Variants in AGBL4 observed in about 807,000 individuals in gnomAD.
The protein encoded by AGBL4 is cytosolic carboxypeptidase 6.
AGBL4 carries 58 observed loss-of-function variants against 66.4 expected under a neutral mutation model. That is an observed-to-expected ratio of 0.87 (90% confidence interval 0.71 to 1.09). The LOEUF (loss-of-function observed/expected upper bound fraction) is 1.09. AGBL4 is among the 50% of genes least tolerant of loss of function. AGBL4 has a pLI of 0.00. For synonymous variants in AGBL4, 234 were observed against 222.9 expected (o/e 1.05, Z -0.44); for missense variants, 579 against 631.0 (o/e 0.92, Z 0.88).
At chr1:49,193,623 G>T (rs1647165631) in intron 4 of AGBL4, among the ~76,000 whole-genome samples, 1 of 151,814 alleles carries the variant, frequency 6.6e-6, no homozygotes, top group Admixed American at 6.6e-5. Context: ...CGCCTCTGGG[G>T]TTCATGCCAT....
At chr1:48,694,502 A>G (rs1646684955) in intron 6 of AGBL4, among the ~76,000 whole-genome samples, 1 of 152,222 alleles carries the variant, frequency 6.6e-6, no homozygotes, top group African/African-American at 2.4e-5. Context: ...GAGATGCTGT[A>G]TGCAATCCTG....
intron 4 of AGBL4, among the ~76,000 whole-genome samples, chr1:49,071,702 G>A (rs891627217): frequency 6.6e-6 from 1 of 151,944 alleles, no homozygotes; most frequent in Non-Finnish European, 1.5e-5. Flanking sequence ...ATGTGGTGCT[G>A]AGAAGAATGC....
At chr1:48,899,480 T>G (rs1197211474) in intron 5 of AGBL4, among the ~76,000 whole-genome samples, 1 of 151,732 alleles carries the variant, frequency 6.6e-6, no homozygotes, top group Non-Finnish European at 1.5e-5. Context: ...AAAGAGAAAT[T>G]GAGTGGAAAT....
chr1:49,763,428 A>T (rs1459028099), intron 2 of AGBL4, among the ~76,000 whole-genome samples: 1 of 152,220 alleles, frequency 6.6e-6, no homozygotes, highest in Non-Finnish European at 1.5e-5. Context: ...GCTGAGAAGC[A>T]GCTAGTGTGT....
intron 8 of AGBL4, among the ~76,000 whole-genome samples, chr1:48,646,202 T>C (rs926669493): frequency 1.1e-4 from 17 of 152,074 alleles, no homozygotes; most frequent in Admixed American, 1.3e-4. Context: ...GATCGGGCAC[T>C]GGATTGAATG....
intron 3 of AGBL4, among the ~76,000 whole-genome samples, chr1:49,653,088 T>G (rs1646042507): frequency 6.6e-6 from 1 of 152,116 alleles, no homozygotes; most frequent in African/African-American, 2.4e-5. Flanking sequence ...AGTGACCCTC[T>G]GAGACAGAGC....
chr1:49,891,391 G>A (rs1648629527), intron 1 of AGBL4, among the ~76,000 whole-genome samples: 1 of 152,146 alleles, frequency 6.6e-6, no homozygotes, highest in South Asian at 2.1e-4. Context: ...TGCTGCTCAA[G>A]GGATGTTTAA....
intron 4 of AGBL4, among the ~76,000 whole-genome samples, chr1:49,097,600 A>G (rs1006941182): frequency 6.6e-6 from 1 of 152,218 alleles, no homozygotes; most frequent in African/African-American, 2.4e-5. Context: ...TATTTTTGTG[A>G]GACAAGAATC....
chr1:49,895,541 A>T (rs528253830), intron 1 of AGBL4, among the ~76,000 whole-genome samples: 3 of 152,190 alleles, frequency 2.0e-5, no homozygotes, highest in African/African-American at 7.2e-5. Context: ...GTACAATAAG[A>T]TATAGCTTTT....
chr1:49,603,168 C>T (rs1302595899), intron 3 of AGBL4, among the ~76,000 whole-genome samples: 1 of 152,050 alleles, frequency 6.6e-6, no homozygotes, highest in African/African-American at 2.4e-5. Flanking sequence ...AGAACAGGAA[C>T]CCAGGTGGGA....
chr1:49,524,759 A>G (rs1365708040), intron 3 of AGBL4, among the ~76,000 whole-genome samples: 1 of 152,044 alleles, frequency 6.6e-6, no homozygotes, highest in East Asian at 1.9e-4. Context: ...CTTCTTTGTA[A>G]CACCATAATA....
rs1002808754 is a variant in AGBL4, at chr1:48,885,394, A to G, written c.595-18164T>C. On this transcript the variant is annotated intron_variant, in intron 5 of 13. Transcript: ENST00000371839. ...TTTAAAATATTTACTCTATTGCCCTATAAGAAAAAGTTTGCTGATCTACTA... is the reference window on the plus strand; with the variant it reads ...TTTAAAATATTTACTCTATTGCCCTGTAAGAAAAAGTTTGCTGATCTACTA... Among the ~76,000 whole-genome samples, 8 of 152,322 alleles carry G rather than the reference A, an allele frequency of 5.3e-5. No homozygotes were observed. In the South Asian group the frequency reaches 1.2e-3, roughly 24 times the overall value.
chr1:49,265,420 G>A (rs1643895864), intron 3 of AGBL4, among the ~76,000 whole-genome samples: 1 of 152,186 alleles, frequency 6.6e-6, no homozygotes. Flanking sequence ...AGATAATATG[G>A]TATGGGGCTG....
intron 3 of AGBL4, among the ~76,000 whole-genome samples, chr1:49,425,605 A>G (rs1287285054): frequency 2.0e-5 from 3 of 152,158 alleles, no homozygotes; most frequent in Non-Finnish European, 2.9e-5. Context: ...CAGCCCATCA[A>G]GTTAAATAAG....
At chr1:48,889,934 A>G (rs942627500) in intron 5 of AGBL4, among the ~76,000 whole-genome samples, 1 of 151,924 alleles carries the variant, frequency 6.6e-6, no homozygotes, top group Non-Finnish European at 1.5e-5. Context: ...TGAGGCTAAA[A>G]TGGGAAACTC....
intron 3 of AGBL4, among the ~76,000 whole-genome samples, chr1:49,256,902 A>G (rs998215730): frequency 2.6e-5 from 4 of 152,218 alleles, no homozygotes; most frequent in Non-Finnish European, 4.4e-5. Flanking sequence ...TCCTGGATCA[A>G]TGGGTCATCC....
chr1:49,416,586 G>A (rs918814529), intron 3 of AGBL4, among the ~76,000 whole-genome samples: 1 of 152,118 alleles, frequency 6.6e-6, no homozygotes, highest in African/African-American at 2.4e-5. Flanking sequence ...TTAGGCTGTG[G>A]AGTAGCATTC....
chr1:48,541,903 A>G (rs900972600), intron 11 of AGBL4, among the ~76,000 whole-genome samples: 1 of 152,190 alleles, frequency 6.6e-6, no homozygotes, highest in Non-Finnish European at 1.5e-5. Context: ...CAGGTTTGTT[A>G]CATAGGTATA....
At chr1:48,786,519 T>TA (rs1645411001) in intron 6 of AGBL4, among the ~76,000 whole-genome samples, 1 of 152,224 alleles carries the variant, frequency 6.6e-6, no homozygotes, top group South Asian at 2.1e-4. Flanking sequence ...GCTGAATCCC[T>TA]ACCTAGAAAC....
Sources: allele counts gnomAD v4.1 joint callset (sites outside exome capture counted in the v4.1 genomes callset), GRCh38; gene constraint gnomAD v4.1.1; transcripts MANE v1.5; gene names NCBI Gene and HGNC (gene_info 2026-07-23, HGNC 2026-07-21).